The following TLK1 variants were observed in gnomAD, a reference collection of about 807,000 sequenced individuals.
The protein encoded by TLK1 is serine/threonine-protein kinase tousled-like 1.
In TLK1, 24 loss-of-function variants were observed where a neutral mutation model predicts 105.3. The ratio of observed to expected loss-of-function variants is 0.23; its 90% CI spans 0.17 to 0.32. TLK1 has a LOEUF of 0.32. Among genes scored for constraint, TLK1 ranks in the 10% least tolerant of loss-of-function variants. The probability of loss-of-function intolerance (pLI) is 1.00; values close to 1 mark genes in which losing one functional copy is unlikely to be tolerated. For synonymous variants in TLK1, 321 were observed against 310.4 expected (o/e 1.03, Z -0.36); for missense variants, 558 against 910.5 (o/e 0.61, Z 4.98).
Position 171,000,469 on chromosome 2 carries a change from T to C in TLK1, c.1905-2646A>G, listed in dbSNP as rs148404739. On this transcript the variant is annotated intron_variant, in intron 18 of 20. Transcript: ENST00000431350. ...ATAACATGAACAGTTAATTAATACA[T>C]ATTTTATATGCTGTATTATATACTA... Among the ~76,000 whole-genome samples the C allele has an allele frequency of 7.9e-5, 12 of 151,486 alleles. No homozygotes were observed. The East Asian group carries it at 2.1e-3, about 27-fold the overall frequency.
chr2:171,224,717 T>G (rs1284338284), intron 1 of TLK1, among the ~76,000 whole-genome samples: 1 of 152,236 alleles, frequency 6.6e-6, no homozygotes, highest in East Asian at 1.9e-4. Flanking sequence ...TCCTAAAATT[T>G]ATATGGAAAT....
intron 1 of TLK1, among the ~76,000 whole-genome samples, chr2:171,194,012 C>A (rs1693213059): frequency 6.6e-6 from 1 of 152,130 alleles, no homozygotes; most frequent in Admixed American, 6.6e-5. Flanking sequence ...AGCCACTGCA[C>A]CCGGTCATTT....
At chr2:171,165,059 G>T (rs1158251016), upstream of TLK1, among the ~76,000 whole-genome samples, 1 of 152,180 alleles carries the variant, frequency 6.6e-6, no homozygotes. Flanking sequence ...AAAGAGACAC[G>T]TGCCACTCTG....
At chr2:171,110,741 G>A (rs1690125964) in intron 2 of TLK1, among the ~76,000 whole-genome samples, 1 of 152,080 alleles carries the variant, frequency 6.6e-6, no homozygotes, top group Non-Finnish European at 1.5e-5. Context: ...AAGGGGTATG[G>A]GAAAATATTT....
At chr2:171,085,246 A>T (rs183669252) in intron 2 of TLK1, among the ~76,000 whole-genome samples, 1 of 152,162 alleles carries the variant, frequency 6.6e-6, no homozygotes, top group Non-Finnish European at 1.5e-5. Flanking sequence ...AAAATTAGCC[A>T]GGCGTGATGG....
intron 19 of TLK1, 55 bp from the exon 20 acceptor site, chr2:170,996,815 G>C (rs1356393089): frequency 1.4e-6 from 2 of 1,444,372 alleles, no homozygotes; most frequent in Non-Finnish European, 1.9e-6. Context: ...TTTAAACACA[G>C]ATATCATTTC....
intron 3 of TLK1, chr2:171,081,653 A>C: frequency 7.7e-7 from 1 of 1,304,198 alleles, no homozygotes; most frequent in Non-Finnish European, 1.0e-6. Context: ...AAGGGAACCT[A>C]CTGCAGATAA....
chr2:171,226,377 A>G (rs1479213077), intron 1 of TLK1, among the ~76,000 whole-genome samples: 1 of 152,178 alleles, frequency 6.6e-6, no homozygotes, highest in Non-Finnish European at 1.5e-5. Flanking sequence ...CAAACTGGCC[A>G]AATTTCCTAA....
chr2:171,225,761 C>T (rs1223303538), intron 1 of TLK1, among the ~76,000 whole-genome samples: 1 of 152,132 alleles, frequency 6.6e-6, no homozygotes, highest in Non-Finnish European at 1.5e-5. Context: ...TGAGTGCATA[C>T]ACACATCATT....
intron 8 of TLK1, 175 bp downstream of exon 8, chr2:171,053,586 C>T: frequency 4.3e-6 from 2 of 464,708 alleles, no homozygotes; most frequent in Non-Finnish European, 7.7e-6. Context: ...TGCTCTTGAT[C>T]TCTCAACCTT....
chr2:170,994,699 G>T, intron 20 of TLK1: 1 of 518,036 alleles, frequency 1.9e-6, no homozygotes, highest in Non-Finnish European at 3.9e-6. Context: ...CACTGGCTCT[G>T]TCCCCAGTCG....
chr2:171,020,137 T>A (rs138769332), intron 12 of TLK1, among the ~76,000 whole-genome samples: 81 of 151,512 alleles, frequency 5.3e-4, no homozygotes, highest in African/African-American at 1.8e-3. Flanking sequence ...AAAGTTAACA[T>A]CTCTAAGTCC....
At chr2:171,044,023 C>T (rs951170068) in intron 11 of TLK1, among the ~76,000 whole-genome samples, 5 of 152,164 alleles carry the variant, frequency 3.3e-5, no homozygotes, top group African/African-American at 1.2e-4. Flanking sequence ...TAACTTACAA[C>T]AGCTCAAGAA....
chr2:171,127,721 TC>T (rs1311098459), intron 1 of TLK1, among the ~76,000 whole-genome samples: 3 of 152,272 alleles, frequency 2.0e-5, no homozygotes, highest in Non-Finnish European at 4.4e-5. Context: ...TGTCCCAATT[TC>T]TCACCAATTC....
intron 18 of TLK1, among the ~76,000 whole-genome samples, chr2:171,005,130 A>T (rs1423326510): frequency 1.3e-5 from 2 of 152,348 alleles, no homozygotes; most frequent in Middle Eastern, 3.4e-3. Flanking sequence ...AGTTGAACGC[A>T]GTTATCTTTC....
intron 13 of TLK1, among the ~76,000 whole-genome samples, chr2:171,013,164 C>T (rs1290805918): frequency 6.6e-6 from 1 of 151,646 alleles, no homozygotes; most frequent in Non-Finnish European, 1.5e-5. Context: ...AGGCGCCCAC[C>T]ACAACGCTGG....
intron 1 of TLK1, among the ~76,000 whole-genome samples, chr2:171,213,508 CT>C (rs1198373690): frequency 4.0e-5 from 6 of 150,822 alleles, no homozygotes; most frequent in South Asian, 4.2e-4. Flanking sequence ...AGGCCTATAT[CT>C]TTTTTTTAAA....
chr2:171,109,970 G>A (rs1024039093), intron 2 of TLK1, among the ~76,000 whole-genome samples: 1 of 152,182 alleles, frequency 6.6e-6, no homozygotes, highest in Non-Finnish European at 1.5e-5. Context: ...AAGGGTTGGG[G>A]GAAAGGGTTT....
At chr2:171,003,576 C>A (rs1370606606) in intron 18 of TLK1, among the ~76,000 whole-genome samples, 1 of 152,094 alleles carries the variant, frequency 6.6e-6, no homozygotes, top group Non-Finnish European at 1.5e-5. Context: ...TTGAGAATCA[C>A]GAGAGATTAC....
Sources: allele counts gnomAD v4.1 joint callset (sites outside exome capture counted in the v4.1 genomes callset), GRCh38; gene constraint gnomAD v4.1.1; transcripts MANE v1.5; gene names NCBI Gene and HGNC (gene_info 2026-07-23, HGNC 2026-07-21).